The following CNTN5 variants were observed in gnomAD, a reference collection of about 807,000 sequenced individuals.
The protein encoded by CNTN5 is contactin 5, also known as contactin-5.
In CNTN5, 77 loss-of-function variants were observed where a neutral mutation model predicts 129.1. The observed-to-expected ratio is 0.60, with a 90% CI of 0.50 to 0.72. The LOEUF (loss-of-function observed/expected upper bound fraction) is 0.72, where lower values mean the gene tolerates loss of function less well. CNTN5 is among the 30% of genes least tolerant of loss of function. CNTN5 has a pLI of 0.00. For missense variants in CNTN5, 1,478 were observed against 1,328.8 expected (o/e 1.11, Z -1.75); for synonymous variants, 509 against 465.6 (o/e 1.09, Z -1.20).
intron 3 of CNTN5, among the ~76,000 whole-genome samples, chr11:99,724,931 T>A (rs1215903707): frequency 6.6e-6 from 1 of 152,186 alleles, no homozygotes; most frequent in African/African-American, 2.4e-5. Flanking sequence ...AAAACAGAAT[T>A]TACATTTCAC....
chr11:99,243,736 A>ATTTTTTTTTTTTTTTTTTTTTTTTTTT (rs35250111), intron 1 of CNTN5, among the ~76,000 whole-genome samples: 1 of 117,692 alleles, frequency 8.5e-6, no homozygotes, highest in Non-Finnish European at 1.8e-5. Flanking sequence ...CCTATTGCTT[A>ATTTTTTTTTTTTTTTTTTTTTTTTTTT]TTTTTTTTTT....
chr11:99,122,546 A>AT (rs1461312616), intron 1 of CNTN5, among the ~76,000 whole-genome samples: 1 of 133,954 alleles, frequency 7.5e-6, no homozygotes, highest in East Asian at 1.9e-4. Flanking sequence ...CAACATTATT[A>AT]TTTTTTTAAC....
chr11:99,234,180 A>G lies in CNTN5; in HGVS notation c.-209-91166A>G, dbSNP rs189773851. Among the ~76,000 whole-genome samples, 663 of 152,260 alleles carry G rather than the reference A, an allele frequency of 4.4e-3. 3 individuals are homozygous for G. The highest frequency in any genetic ancestry group is 6.8e-3 in the Middle Eastern group (2 of 294). On this transcript the variant is annotated intron_variant, in intron 1 of 24. Coordinates refer to ENST00000524871, the MANE Select transcript of CNTN5 (RefSeq NM_014361.4). ...CTTTGAGATATTCTTTTTCATGTAG[A>G]TTTACAAATAAAAATTGCCAATATC... is the stretch of plus-strand genomic sequence containing the variant.
intron 2 of CNTN5, among the ~76,000 whole-genome samples, chr11:99,407,737 T>C (rs72989808): frequency 6.6e-6 from 1 of 152,192 alleles, no homozygotes; most frequent in African/African-American, 2.4e-5. Flanking sequence ...ATTCAAGTTC[T>C]GACTGTTAGA....
At chr11:99,792,573 G>GTGTGTGTGTCTGTCTGTCTGTC (rs34622017) in intron 3 of CNTN5, among the ~76,000 whole-genome samples, 15 of 116,614 alleles carry the variant, frequency 1.3e-4, no homozygotes, top group African/African-American at 5.5e-4. Context: ...GTGTGTGTGT[G>GTGTGTGTGTCTGTCTGTCTGTC]TGTCTGTCTG....
intron 1 of CNTN5, among the ~76,000 whole-genome samples, chr11:99,313,797 T>G (rs1485023612): frequency 6.6e-6 from 1 of 152,106 alleles, no homozygotes; most frequent in Non-Finnish European, 1.5e-5. Context: ...TTTATTCTAA[T>G]GATTTGCAGC....
At chr11:99,286,621 CA>C (rs1159421124) in intron 1 of CNTN5, among the ~76,000 whole-genome samples, 1 of 152,020 alleles carries the variant, frequency 6.6e-6, no homozygotes, top group Admixed American at 6.6e-5. Flanking sequence ...CAGTAGATAT[CA>C]AATATAATAA....
chr11:99,343,157 G>A (rs565186219), intron 2 of CNTN5, among the ~76,000 whole-genome samples: 2 of 152,174 alleles, frequency 1.3e-5, no homozygotes, highest in Non-Finnish European at 2.9e-5. Flanking sequence ...GGAAAGAGAG[G>A]AGGGATGACG....
chr11:99,298,933 GA>G (rs1159542139), intron 1 of CNTN5, among the ~76,000 whole-genome samples: 1 of 152,050 alleles, frequency 6.6e-6, no homozygotes, highest in Non-Finnish European at 1.5e-5. Context: ...TTCAGCCTGT[GA>G]AAAGCTCTCT....
intron 1 of CNTN5, among the ~76,000 whole-genome samples, chr11:99,126,498 T>G (rs1349407217): frequency 6.6e-6 from 1 of 152,208 alleles, no homozygotes; most frequent in Non-Finnish European, 1.5e-5. Context: ...GGAACTGGTA[T>G]GTACAAGGTG....
chr11:100,339,244 C>A (rs945606823), intron 21 of CNTN5, among the ~76,000 whole-genome samples: 1 of 152,056 alleles, frequency 6.6e-6, no homozygotes, highest in Admixed American at 6.6e-5. Context: ...TACCTGCACT[C>A]GGTGGGTCCC....
At chr11:99,410,537 T>C (rs545066689) in intron 2 of CNTN5, among the ~76,000 whole-genome samples, 1 of 152,210 alleles carries the variant, frequency 6.6e-6, no homozygotes, top group East Asian at 1.9e-4. Context: ...CAAGTATTTA[T>C]TCTTGATGAT....
rs192024223 is a variant in CNTN5 at position 100,189,863 on chromosome 11, T to A, written c.1581-1263T>A. On this transcript the variant is annotated intron_variant, in intron 13 of 24. Coordinates refer to ENST00000524871, the MANE Select transcript of CNTN5 (RefSeq NM_014361.4). Reference sequence around the variant, plus strand: ...TTTCTAGTTTGACTTTTTTTCTAAATTTGTCTTCCTTCTTACACATCATAA... The same window carrying A: ...TTTCTAGTTTGACTTTTTTTCTAAAATTGTCTTCCTTCTTACACATCATAA... Among the ~76,000 whole-genome samples, 4 of 152,246 alleles carry A rather than the reference T, an allele frequency of 2.6e-5. No individual in the cohort carries two copies. In the East Asian group the frequency reaches 7.7e-4, roughly 29 times the overall value.
At position 100,002,088 on chromosome 11, in the gene CNTN5, C is replaced by T. The variant is rs1466585443; in HGVS notation, c.932C>T (p.Thr311Ile). 3.8e-6 allele frequency: 6 copies of T among 1,598,378 alleles called. No homozygotes were observed. The East Asian group carries it at 1.1e-4, about 30-fold the overall frequency. ...KIEVHFPFTV[T>I]AAKGTTVKME... ...GAGGTCCATTTTCCTTTCACGGTTA[C>T]AGCTGCTAAAGGAACAACTGTTAAG... The change falls in exon 9 of 25, where the codon ACA (threonine) becomes ATA (isoleucine). Residue 311 changes from threonine (T) to isoleucine (I), a missense_variant. Thr to Ile is a moderately conservative substitution (Grantham distance 89). Transcript: ENST00000524871.
chr11:99,845,761 T>A (rs568003015), intron 6 of CNTN5, among the ~76,000 whole-genome samples: 6 of 152,146 alleles, frequency 3.9e-5, no homozygotes, highest in African/African-American at 1.4e-4. Context: ...GTCCTTTTCA[T>A]GAAAGTAGAT....
At chr11:99,972,294 A>G (rs7110076) in intron 8 of CNTN5, among the ~76,000 whole-genome samples, 57,082 of 151,728 alleles carry the variant, frequency 0.38, 11,246 homozygotes, top group African/African-American at 0.45. Flanking sequence ...AAAAATAAAA[A>G]AATGTAAAAA....
intron 3 of CNTN5, among the ~76,000 whole-genome samples, chr11:99,626,054 A>G (rs1951120492): frequency 6.6e-6 from 1 of 152,050 alleles, no homozygotes; most frequent in African/African-American, 2.4e-5. Flanking sequence ...TCATGAAATT[A>G]TGAGGGAGGC....
At chr11:100,264,540 G>T (rs7933783) in intron 17 of CNTN5, among the ~76,000 whole-genome samples, 1 of 152,024 alleles carries the variant, frequency 6.6e-6, no homozygotes, top group Non-Finnish European at 1.5e-5. Flanking sequence ...TTTCATCCAC[G>T]TCCTGGCAAA....
intron 13 of CNTN5, among the ~76,000 whole-genome samples, chr11:100,118,676 A>T (rs74485021): frequency 1.7e-3 from 264 of 151,980 alleles, no homozygotes; most frequent in African/African-American, 6.0e-3. Flanking sequence ...TGGTTTACAC[A>T]ATTACCTGAC....
Sources: allele counts gnomAD v4.1 joint callset (sites outside exome capture counted in the v4.1 genomes callset), GRCh38; gene constraint gnomAD v4.1.1; transcripts MANE v1.5; gene names NCBI Gene and HGNC (gene_info 2026-07-23, HGNC 2026-07-21).